Variants in ANTXR1 observed in about 807,000 individuals in gnomAD.
ANTXR1 encodes ANTXR cell adhesion molecule 1.
Under a neutral mutation model 78.1 loss-of-function variants are expected in ANTXR1, and 19 were observed. The observed-to-expected ratio is 0.24, with a 90% CI of 0.17 to 0.36. ANTXR1 has a LOEUF of 0.36. ANTXR1 is among the 10% of genes least tolerant of loss of function. ANTXR1 has a pLI of 1.00. For synonymous variants in ANTXR1, 273 were observed against 260.5 expected, an observed-to-expected ratio of 1.05 and a Z score of -0.46; for missense variants, 518 against 718.6, an observed-to-expected ratio of 0.72 and a Z score of 3.19.
chr2:69,047,662 A>G (rs1205708041), intron 3 of ANTXR1, among the ~76,000 whole-genome samples: 1 of 152,022 alleles, frequency 6.6e-6, no homozygotes, highest in Non-Finnish European at 1.5e-5. Flanking sequence ...TCTGGACCTC[A>G]TGGTAGTGTG....
At chr2:69,120,773 G>A (rs1440033375) in intron 10 of ANTXR1, among the ~76,000 whole-genome samples, 2 of 152,170 alleles carry the variant, frequency 1.3e-5, no homozygotes, top group Non-Finnish European at 2.9e-5. Flanking sequence ...CACCATTCCT[G>A]CAACATTCCA....
At chr2:69,073,241 T>C (rs1670626111) in intron 6 of ANTXR1, 140 bp downstream of exon 6, 2 of 724,422 alleles carry the variant, frequency 2.8e-6, no homozygotes, top group African/African-American at 1.8e-5. Flanking sequence ...TAAGTAGAAA[T>C]AATAATAATA....
intron 8 of ANTXR1, among the ~76,000 whole-genome samples, chr2:69,089,244 T>C (rs937055892): frequency 6.6e-6 from 1 of 152,240 alleles, no homozygotes; most frequent in East Asian, 1.9e-4. Flanking sequence ...TTCAGGTACA[T>C]AGAGTTACCT....
intron 13 of ANTXR1, among the ~76,000 whole-genome samples, chr2:69,154,590 G>A (rs1227944667): frequency 6.6e-6 from 1 of 152,110 alleles, no homozygotes; most frequent in East Asian, 1.9e-4. Context: ...GATTAATAGA[G>A]GGCATTCTTG....
chr2:69,169,153 G>A (rs1360413842), intron 13 of ANTXR1, among the ~76,000 whole-genome samples: 3 of 152,242 alleles, frequency 2.0e-5, no homozygotes, highest in Admixed American at 2.0e-4. Flanking sequence ...CTGGCCTGCA[G>A]CCAGAGCCCG....
chr2:69,059,466 T>G (rs1670166718), intron 3 of ANTXR1, among the ~76,000 whole-genome samples: 1 of 150,496 alleles, frequency 6.6e-6, no homozygotes, highest in Non-Finnish European at 1.5e-5. Context: ...AAAGTATTTT[T>G]CATCGAAGTG....
chr2:69,143,150 T>G (rs1458267906), intron 12 of ANTXR1, among the ~76,000 whole-genome samples: 12 of 152,196 alleles, frequency 7.9e-5, no homozygotes, highest in Admixed American at 7.9e-4. Flanking sequence ...GAAGATGGAA[T>G]TCCTGGCAGT....
At chr2:69,131,151 A>G (rs1672731246) in intron 12 of ANTXR1, among the ~76,000 whole-genome samples, 3 of 152,006 alleles carry the variant, frequency 2.0e-5, no homozygotes, top group Admixed American at 2.0e-4. Flanking sequence ...CTTTTGTTCT[A>G]TTCTATATGT....
chr2:69,044,907 C>A, intron 3 of ANTXR1, 94 bp downstream of exon 3: 1 of 1,247,844 alleles, frequency 8.0e-7, no homozygotes, highest in South Asian at 1.2e-5. Flanking sequence ...ACCTGTTGAT[C>A]ACTTTAATCT....
intron 8 of ANTXR1, among the ~76,000 whole-genome samples, chr2:69,078,742 A>G (rs1558522748): frequency 6.6e-6 from 1 of 152,326 alleles, no homozygotes; most frequent in East Asian, 1.9e-4. Context: ...TTTTCCAGAC[A>G]TACAATAGGC....
chr2:69,033,366 G>C (rs903962927), intron 1 of ANTXR1, among the ~76,000 whole-genome samples: 9 of 152,226 alleles, frequency 5.9e-5, no homozygotes, highest in African/African-American at 2.2e-4. Flanking sequence ...GCAGTCAGAG[G>C]ACAGGGCAAG....
chr2:69,035,577 T>G (rs972065644), intron 1 of ANTXR1, among the ~76,000 whole-genome samples: 1 of 152,156 alleles, frequency 6.6e-6, no homozygotes, highest in Non-Finnish European at 1.5e-5. Flanking sequence ...CTTAGAAGTT[T>G]GTGGTTTTAC....
At chr2:69,202,984 A>G (rs751357875) in intron 17 of ANTXR1, among the ~76,000 whole-genome samples, 1 of 152,238 alleles carries the variant, frequency 6.6e-6, no homozygotes, top group Non-Finnish European at 1.5e-5. Flanking sequence ...ACTTTTTCTC[A>G]GAATTATTTT....
chr2:69,070,194 C>G (rs1247660598), intron 3 of ANTXR1, among the ~76,000 whole-genome samples: 6 of 152,140 alleles, frequency 3.9e-5, no homozygotes, highest in Admixed American at 3.9e-4. Context: ...TTTGGCACAC[C>G]CGTGCGGTGG....
chr2:69,122,866 T>C, intron 10 of ANTXR1, 151 bp from the exon 11 acceptor site: 1 of 772,890 alleles, frequency 1.3e-6, no homozygotes, highest in Non-Finnish European at 2.2e-6. Flanking sequence ...GTCCTTGCGA[T>C]AGTTTGCTGT....
At chr2:69,226,296 C>G (rs755636893) in intron 17 of ANTXR1, among the ~76,000 whole-genome samples, 6 of 152,302 alleles carry the variant, frequency 3.9e-5, no homozygotes, top group Admixed American at 2.0e-4. Context: ...CACTCCAGGG[C>G]TGATCTCTGT....
intron 3 of ANTXR1, among the ~76,000 whole-genome samples, chr2:69,062,646 A>C (rs1025426810): frequency 6.6e-6 from 1 of 152,184 alleles, no homozygotes; most frequent in Non-Finnish European, 1.5e-5. Context: ...CGAAGTCTCC[A>C]CTGCTTTTTT....
At chr2:69,160,399 A>G (rs1673649238) in intron 13 of ANTXR1, among the ~76,000 whole-genome samples, 1 of 152,154 alleles carries the variant, frequency 6.6e-6, no homozygotes, top group Non-Finnish European at 1.5e-5. Context: ...GATTAGTCCA[A>G]TCCTTTAACC....
intron 13 of ANTXR1, among the ~76,000 whole-genome samples, chr2:69,166,781 G>A (rs1304828573): frequency 6.6e-6 from 1 of 152,208 alleles, no homozygotes; most frequent in Non-Finnish European, 1.5e-5. Context: ...AAAGGAGAGT[G>A]GGCCAAACCA....
Sources: gnomAD v4.1 joint callset for allele counts (sites outside exome capture counted in the v4.1 genomes callset) on GRCh38, gnomAD v4.1.1 for gene constraint, MANE v1.5 for transcripts, NCBI Gene and HGNC (gene_info 2026-07-23, HGNC 2026-07-21) for gene names.